Variants in ABCC12 observed in about 807,000 individuals in gnomAD.
ABCC12 encodes the protein ATP-binding cassette sub-family C member 12.
In ABCC12, 142 loss-of-function variants were observed where a neutral mutation model predicts 151.1. The observed-to-expected ratio is 0.94, with a 90% CI of 0.82 to 1.08. The LOEUF is 1.08. Among genes scored for constraint, ABCC12 ranks in the 50% least tolerant of loss-of-function variants. The probability of loss-of-function intolerance (pLI) is 0.00; values close to 1 mark genes in which losing one functional copy is unlikely to be tolerated. For synonymous variants in ABCC12, 645 were observed against 646.4 expected (o/e 1.00, Z 0.03); for missense variants, 1,638 against 1,691.1 (o/e 0.97, Z 0.55).
intron 18 of ABCC12, among the ~76,000 whole-genome samples, chr16:48,110,532 G>A (rs1567449415): frequency 6.6e-6 from 1 of 152,112 alleles, no homozygotes; most frequent in Non-Finnish European, 1.5e-5. Context: ...GGTGCTCTAG[G>A]GATGTGGAGT....
chr16:48,098,836 A>G (rs1344410525), intron 23 of ABCC12, among the ~76,000 whole-genome samples: 1 of 152,234 alleles, frequency 6.6e-6, no homozygotes, highest in East Asian at 1.9e-4. Flanking sequence ...TTGGCTCCCT[A>G]TAGGATTCTC....
intron 14 of ABCC12, among the ~76,000 whole-genome samples, chr16:48,115,874 T>G (rs9926338): frequency 0.032 from 4,879 of 152,260 alleles, 226 homozygotes; most frequent in African/African-American, 0.11. Flanking sequence ...CCATGAGGAT[T>G]GAGGGGTGCC....
Position 48,139,159 on chromosome 16 carries a change from T to C in ABCC12, c.831+4A>G. ...CAGTTAGAAGCGCAAAAGCCTGCCGTTACCTGGACGGGTATGAATATGACA... is the reference window on the plus strand; with the variant it reads ...CAGTTAGAAGCGCAAAAGCCTGCCGCTACCTGGACGGGTATGAATATGACA... On this transcript the variant is annotated splice_donor_region_variant and intron_variant, in intron 7 of 30. Transcript: ENST00000311303. 6.3e-7 allele frequency: 1 copy of C among 1,581,880 alleles called. No homozygotes were observed. Among genetic ancestry groups the C allele is most frequent in the Non-Finnish European group, 8.6e-7 (1 of 1,166,834 alleles).
Position 48,128,469 on chromosome 16 carries a change from A to T in ABCC12, c.1505T>A (p.Val502Glu). ...GCAACACACACCCACCTTTCTCACC[A>T]CAAAGCTTATGCTGTGCAGAACCGA... ...LKSVLHSISF[V>E]VRKGKILGIC... Residue 502 changes from valine to glutamate, a missense_variant, in exon 11 of 31, where the codon GTG (valine) becomes GAG (glutamate). Transcript: ENST00000311303. 4.3e-6 allele frequency: 7 copies of T among 1,614,072 alleles called. No individual in the cohort carries two copies. The highest frequency in any genetic ancestry group is 5.9e-6 in the Non-Finnish European group (7 of 1,179,922).
chr16:48,122,906 G>A (rs1964119609), intron 12 of ABCC12, among the ~76,000 whole-genome samples: 1 of 152,166 alleles, frequency 6.6e-6, no homozygotes, highest in African/African-American at 2.4e-5. Context: ...CCATTTTACA[G>A]ACAAGGAAAC....
intron 4 of ABCC12, among the ~76,000 whole-genome samples, chr16:48,142,953 G>T (rs1486951866): frequency 6.6e-6 from 1 of 152,186 alleles, no homozygotes; most frequent in Non-Finnish European, 1.5e-5. Context: ...CATAGTGCTT[G>T]CCTCCAGGGA....
intron 3 of ABCC12, 134 bp downstream of exon 3, chr16:48,146,172 G>A (rs753624503): frequency 1.3e-5 from 10 of 749,530 alleles, no homozygotes; most frequent in South Asian, 6.8e-5. Flanking sequence ...ATGAATGAAC[G>A]TGTGCATGGG....
intron 3 of ABCC12, among the ~76,000 whole-genome samples, chr16:48,144,564 T>A (rs991040354): frequency 2.6e-5 from 4 of 152,170 alleles, no homozygotes; most frequent in African/African-American, 9.7e-5. Context: ...TCACATCCTC[T>A]GGGTGGAAAA....
chr16:48,096,128 G>A (rs543668108), intron 24 of ABCC12, among the ~76,000 whole-genome samples: 5 of 152,170 alleles, frequency 3.3e-5, no homozygotes, highest in South Asian at 4.2e-4. Context: ...AATCAATGCC[G>A]TATGTTCACC....
intron 28 of ABCC12, chr16:48,086,479 AAG>A (rs1309287808): frequency 1.1e-5 from 4 of 357,170 alleles, no homozygotes; most frequent in Non-Finnish European, 2.1e-5. Context: ...AATTAGGGGT[AAG>A]AGTACCAACC....
At chr16:48,123,117 TTAAA>T in intron 12 of ABCC12, among the ~76,000 whole-genome samples, 1 of 152,152 alleles carries the variant, frequency 6.6e-6, no homozygotes, top group Non-Finnish European at 1.5e-5. Context: ...AGGACAGAAA[TTAAA>T]AGGAGGCAAA....
intron 27 of ABCC12, 50 bp downstream of exon 27, chr16:48,087,876 C>A (rs775679220): frequency 6.3e-7 from 1 of 1,582,444 alleles, no homozygotes. Flanking sequence ...CTTGGTCAGT[C>A]TGATTTCACT....
chr16:48,110,867 C>A (rs1046712636), intron 18 of ABCC12, among the ~76,000 whole-genome samples: 2 of 152,224 alleles, frequency 1.3e-5, no homozygotes, highest in East Asian at 3.8e-4. Context: ...ATCCTGAGAA[C>A]ACGGGCATCT....
intron 2 of ABCC12, among the ~76,000 whole-genome samples, chr16:48,149,180 A>G (rs1177068795): frequency 6.6e-6 from 1 of 151,576 alleles, no homozygotes; most frequent in Non-Finnish European, 1.5e-5. Flanking sequence ...AATACTTTTT[A>G]AAAAGGGTTA....
At chr16:48,115,693 C>A (rs1465959347) in intron 14 of ABCC12, 75 bp from the exon 15 acceptor site, 1 of 1,429,370 alleles carries the variant, frequency 7.0e-7, no homozygotes, top group Non-Finnish European at 9.5e-7. Context: ...CTTCCTGGAG[C>A]TTCTCAGGAC....
rs1962589388 is a variant in ABCC12 at position 48,086,148 on chromosome 16, C to T, written c.3715-442G>A. 4 of 174,002 alleles carry T rather than the reference C, an allele frequency of 2.3e-5. No homozygotes were observed. The South Asian group carries it at 4.2e-4, about 18-fold the overall frequency. 10.8% of individuals were successfully genotyped at this position (174,002 alleles called of 1,614,324 possible). A position where few individuals can be genotyped will look rare whatever the true frequency, so the allele number is the denominator to read the frequency against. On this transcript the variant is annotated intron_variant, in intron 28 of 30. Coordinates refer to ENST00000311303, the MANE Select transcript of ABCC12 (RefSeq NM_001393797.1). ...GAAGATGCTCATGTCGGTACCAAGT[C>T]CTGGAAAAATATCACGTTGGGCTGC...
chr16:48,083,866 A>G, intron 30 of ABCC12, 43 bp downstream of exon 30: 1 of 1,612,782 alleles, frequency 6.2e-7, no homozygotes, highest in Non-Finnish European at 8.5e-7. Context: ...AGCTCAAACC[A>G]CTGGACTTTC....
At position 48,105,266 on chromosome 16, in the gene ABCC12, T is replaced by A; in HGVS notation, c.2546A>T (p.His849Leu). The change falls in exon 21 of 31, where the codon CAT (histidine) becomes CTT (leucine). Residue 849 changes from histidine to leucine, a missense_variant. His to Leu is a moderately conservative substitution (Grantham distance 99, BLOSUM62 -3). Coordinates refer to ENST00000311303, the MANE Select transcript of ABCC12 (RefSeq NM_001393797.1). ...TGCAGTGTACACCCACTGGTACACA[T>A]GCTGACCGATGTCTGCCAGCACCGC... Reference protein sequence around the residue: ...VGAVLADIGQHVYQWVYTASM... With the variant: ...VGAVLADIGQLVYQWVYTASM... The A allele has an allele frequency of 1.2e-6, 2 of 1,614,022 alleles. No individual in the cohort carries two copies. Among genetic ancestry groups the A allele is most frequent in the South Asian group, 2.2e-5 (2 of 91,072 alleles).
chr16:48,139,803 G>A (rs1964742019), intron 6 of ABCC12, among the ~76,000 whole-genome samples: 2 of 152,180 alleles, frequency 1.3e-5, no homozygotes, highest in Non-Finnish European at 2.9e-5. Flanking sequence ...AATTCTTAAA[G>A]GGAGCCAACT....
Sources: allele counts gnomAD v4.1 joint callset (sites outside exome capture counted in the v4.1 genomes callset), GRCh38; gene constraint gnomAD v4.1.1; transcripts MANE v1.5; gene names NCBI Gene and HGNC (gene_info 2026-07-23, HGNC 2026-07-21).